RUNX2: variants seen among roughly 807,000 people sequenced by gnomAD.
RUNX2 encodes the protein runt-related transcription factor 2.
In RUNX2, 10 loss-of-function variants were observed where a neutral mutation model predicts 51.7. The observed-to-expected ratio is 0.19, with a 90% CI of 0.12 to 0.33. RUNX2 has a LOEUF of 0.33. Among genes scored for constraint, RUNX2 ranks in the 10% least tolerant of loss-of-function variants. The pLI is 1.00. For synonymous variants in RUNX2, 276 were observed against 273.6 expected (o/e 1.01, Z -0.09); for missense variants, 562 against 691.3 (o/e 0.81, Z 2.10).
At chr6:45,524,243 T>G (rs774218916) in intron 7 of RUNX2, among the ~76,000 whole-genome samples, 6 of 152,216 alleles carry the variant, frequency 3.9e-5, no homozygotes, top group Non-Finnish European at 1.5e-5. Context: ...CTCAATAAAT[T>G]AATGAATTTC....
intron 2 of RUNX2, among the ~76,000 whole-genome samples, chr6:45,387,211 G>A (rs531874689): frequency 6.6e-6 from 1 of 152,286 alleles, no homozygotes; most frequent in South Asian, 2.1e-4. Context: ...TCAAGACAAG[G>A]CATACTAAAA....
At chr6:45,381,327 T>C (rs1165836046) in intron 2 of RUNX2, among the ~76,000 whole-genome samples, 6 of 152,332 alleles carry the variant, frequency 3.9e-5, no homozygotes, top group African/African-American at 1.4e-4. Context: ...TAAAATTCTA[T>C]GTTCCTTCAA....
In RUNX2 at chr6:45,365,428, C is replaced by A. The variant is rs769078852; in HGVS notation, c.58+36644C>A. On this transcript the variant is annotated intron_variant, in intron 2 of 8. Transcript: ENST00000647337. Reference sequence around the variant, plus strand: ...ATTTAAATTTCTGATTTGTTTTGCACAAAACTGATTCACTTATACTTAATG... The same window carrying A: ...ATTTAAATTTCTGATTTGTTTTGCAAAAAACTGATTCACTTATACTTAATG... 317 of 621,938 alleles carry A rather than the reference C, an allele frequency of 5.1e-4. 2 individuals are homozygous for A. The highest frequency in any genetic ancestry group is 7.5e-4 in the Non-Finnish European group (276 of 370,284). 38.5% of individuals were successfully genotyped at this position (621,938 alleles called of 1,614,324 possible). A position where few individuals can be genotyped will look rare whatever the true frequency, so the allele number is the denominator to read the frequency against.
chr6:45,384,819 G>T (rs1404023789), intron 2 of RUNX2, among the ~76,000 whole-genome samples: 1 of 144,046 alleles, frequency 6.9e-6, no homozygotes, highest in South Asian at 2.3e-4. Flanking sequence ...CGGGGCTCAA[G>T]CAGTCCTCCC....
At chr6:45,422,979 C>T (rs758479011) in intron 3 of RUNX2, 22 bp downstream of exon 3, 4 of 1,604,132 alleles carry the variant, frequency 2.5e-6, no homozygotes, top group Non-Finnish European at 2.5e-6. Context: ...CACCGCCCCC[C>T]GCCCCCGGCC....
intron 2 of RUNX2, among the ~76,000 whole-genome samples, chr6:45,334,821 A>C (rs2150102512): frequency 6.6e-6 from 1 of 151,236 alleles, no homozygotes; most frequent in South Asian, 2.1e-4. Flanking sequence ...TATAATCAAA[A>C]TTTTTTTGCA....
intron 2 of RUNX2, among the ~76,000 whole-genome samples, chr6:45,363,643 T>C (rs1794643899): frequency 6.6e-6 from 1 of 152,080 alleles, no homozygotes; most frequent in Non-Finnish European, 1.5e-5. Flanking sequence ...TAAAATATTC[T>C]TAATATAAAG....
chr6:45,356,565 T>C (rs973791451), intron 2 of RUNX2, among the ~76,000 whole-genome samples: 2 of 151,648 alleles, frequency 1.3e-5, no homozygotes, highest in African/African-American at 2.4e-5. Flanking sequence ...GCCTGGCTAA[T>C]GTTTATTTTT....
At chr6:45,358,588 A>T (rs1035997391) in intron 2 of RUNX2, among the ~76,000 whole-genome samples, 1 of 152,146 alleles carries the variant, frequency 6.6e-6, no homozygotes, top group African/African-American at 2.4e-5. Flanking sequence ...CAAGAGCACA[A>T]TGTTTATCAT....
intron 2 of RUNX2, among the ~76,000 whole-genome samples, chr6:45,404,861 T>G (rs1336109371): frequency 6.6e-6 from 1 of 152,226 alleles, no homozygotes; most frequent in Admixed American, 6.5e-5. Flanking sequence ...AGGCTATGAG[T>G]TATAACTATA....
intron 6 of RUNX2, among the ~76,000 whole-genome samples, chr6:45,506,854 G>C (rs936523661): frequency 4.6e-5 from 7 of 151,978 alleles, no homozygotes; most frequent in Non-Finnish European, 7.4e-5. Flanking sequence ...CTCTACAAAA[G>C]CCTGTTACCC....
intron 2 of RUNX2, among the ~76,000 whole-genome samples, chr6:45,404,347 C>CAAGT (rs932850636): frequency 6.7e-6 from 1 of 150,160 alleles, no homozygotes; most frequent in Non-Finnish European, 1.5e-5. Context: ...TAAGAATCTG[C>CAAGT]AAGTGCAAAG....
chr6:45,397,330 C>T (rs1210762011), intron 2 of RUNX2, among the ~76,000 whole-genome samples: 4 of 151,818 alleles, frequency 2.6e-5, no homozygotes, highest in African/African-American at 9.7e-5. Context: ...AGGATGGTCT[C>T]GATCTCGTGA....
At chr6:45,462,160 A>G (rs1199186990) in intron 5 of RUNX2, among the ~76,000 whole-genome samples, 2 of 152,268 alleles carry the variant, frequency 1.3e-5, no homozygotes, top group Middle Eastern at 3.2e-3. Context: ...AAATTGCCTT[A>G]AATACATGAA....
intron 2 of RUNX2, among the ~76,000 whole-genome samples, chr6:45,355,863 T>A (rs1446922207): frequency 2.0e-5 from 3 of 152,282 alleles, no homozygotes; most frequent in African/African-American, 7.2e-5. Flanking sequence ...TTTTGTTGAA[T>A]AAATAAATAT....
intron 7 of RUNX2, among the ~76,000 whole-genome samples, chr6:45,539,374 C>A (rs1802148302): frequency 6.6e-6 from 1 of 152,190 alleles, no homozygotes; most frequent in African/African-American, 2.4e-5. Flanking sequence ...GGGACTTTCC[C>A]TCTCTTTTGC....
At chr6:45,363,011 TTTTTTA>T (rs1384531972) in intron 2 of RUNX2, among the ~76,000 whole-genome samples, 1 of 151,970 alleles carries the variant, frequency 6.6e-6, no homozygotes, top group Non-Finnish European at 1.5e-5. Context: ...GGTACATAGG[TTTTTTA>T]TTTTTATTTT....
chr6:45,482,384 C>T (rs796479761), intron 5 of RUNX2, among the ~76,000 whole-genome samples: 10 of 152,368 alleles, frequency 6.6e-5, no homozygotes, highest in African/African-American at 1.9e-4. Flanking sequence ...TTCTCCCAGA[C>T]ACTGTATGCT....
At chr6:45,398,470 T>C (rs11966462) in intron 2 of RUNX2, among the ~76,000 whole-genome samples, 11,277 of 152,284 alleles carry the variant, frequency 0.074, 575 homozygotes, top group South Asian at 0.18. Flanking sequence ...AACCAATATA[T>C]ATAACATTAC....
Sources: allele counts gnomAD v4.1 joint callset (sites outside exome capture counted in the v4.1 genomes callset), GRCh38; gene constraint gnomAD v4.1.1; transcripts MANE v1.5; gene names NCBI Gene and HGNC (gene_info 2026-07-23, HGNC 2026-07-21).